Variants in B3GALT1 observed in about 807,000 individuals in gnomAD.
B3GALT1 encodes beta-1,3-galactosyltransferase 1.
Under a neutral mutation model 23.2 loss-of-function variants are expected in B3GALT1, and 10 were observed. The ratio of observed to expected loss-of-function variants is 0.43; its 90% CI spans 0.27 to 0.73. B3GALT1 has a LOEUF of 0.73. B3GALT1 is among the 30% of genes least tolerant of loss of function. The pLI, the probability that B3GALT1 is intolerant of heterozygous loss-of-function variation, is 0.21. For synonymous variants in B3GALT1, 156 were observed against 141.5 expected, an observed-to-expected ratio of 1.10 and a Z score of -0.73; for missense variants, 299 against 405.4, an observed-to-expected ratio of 0.74 and a Z score of 2.25.
intron 4 of B3GALT1, among the ~76,000 whole-genome samples, chr2:167,838,300 AGAG>A (rs1689538674): frequency 6.6e-6 from 1 of 152,252 alleles, no homozygotes; most frequent in African/African-American, 2.4e-5. Context: ...AAAGAAGAAA[AGAG>A]AGAAGAATCA....
chr2:167,583,171 A>G (rs1684518658), intron 2 of B3GALT1, among the ~76,000 whole-genome samples: 1 of 152,192 alleles, frequency 6.6e-6, no homozygotes, highest in Non-Finnish European at 1.5e-5. Flanking sequence ...AAGCCTCATG[A>G]GTCAGACATT....
At chr2:167,643,337 A>G (rs1265891786) in intron 2 of B3GALT1, among the ~76,000 whole-genome samples, 7 of 152,192 alleles carry the variant, frequency 4.6e-5, no homozygotes, top group Non-Finnish European at 1.0e-4. Context: ...TTAATAATAC[A>G]TTTTGGGATT....
intron 2 of B3GALT1, among the ~76,000 whole-genome samples, chr2:167,643,038 G>A (rs1558934642): frequency 1.3e-5 from 2 of 152,236 alleles, no homozygotes; most frequent in East Asian, 1.9e-4. Context: ...AAAGTTGCTT[G>A]GAGCTGCAGC....
intron 3 of B3GALT1, among the ~76,000 whole-genome samples, chr2:167,719,024 G>A (rs1426056249): frequency 6.6e-6 from 1 of 152,112 alleles, no homozygotes; most frequent in Non-Finnish European, 1.5e-5. Flanking sequence ...AAAGATGTTT[G>A]ATTCATGCAA....
chr2:167,778,521 T>A (rs923646529), intron 3 of B3GALT1, among the ~76,000 whole-genome samples: 3 of 152,220 alleles, frequency 2.0e-5, no homozygotes, highest in African/African-American at 7.2e-5. Flanking sequence ...TGTAGAGATA[T>A]ACCTACAATT....
chr2:167,552,845 C>T (rs1683773608), intron 2 of B3GALT1, among the ~76,000 whole-genome samples: 1 of 152,124 alleles, frequency 6.6e-6, no homozygotes, highest in African/African-American at 2.4e-5. Context: ...ACAAGATATT[C>T]TCTTTGTGTT....
At chr2:167,633,638 A>G (rs539211892) in intron 2 of B3GALT1, among the ~76,000 whole-genome samples, 9 of 152,238 alleles carry the variant, frequency 5.9e-5, no homozygotes, top group Admixed American at 3.3e-4. Flanking sequence ...AGAGCTAACT[A>G]TCCTAAATAT....
chr2:167,383,439 A>G (rs1697872549), intron 1 of B3GALT1, among the ~76,000 whole-genome samples: 2 of 152,128 alleles, frequency 1.3e-5, no homozygotes, highest in South Asian at 2.1e-4. Context: ...TGCTTGTCCA[A>G]CTTTCATCCT....
intron 1 of B3GALT1, among the ~76,000 whole-genome samples, chr2:167,338,038 G>T (rs562426251): frequency 2.0e-5 from 3 of 152,212 alleles, no homozygotes; most frequent in African/African-American, 7.2e-5. Context: ...GTGACTGAAA[G>T]AAACACTGAA....
rs1186974781 is a variant in B3GALT1, at chr2:167,805,468, A to G, written c.-351-13204A>G. The stretch of plus-strand genomic sequence containing the variant: ...GGGTTTTTATGGTTTTAGGTCTAAC[A>G]TTTAAGTCTTTAATCCATCTTGAAT... On this transcript the variant is annotated intron_variant, in intron 3 of 4. Coordinates refer to ENST00000392690, the MANE Select transcript of B3GALT1 (RefSeq NM_020981.4). Among the ~76,000 whole-genome samples, 3 of 152,310 alleles carry G rather than the reference A, an allele frequency of 2.0e-5. No homozygotes were observed. In the East Asian group the frequency reaches 5.8e-4, roughly 29 times the overall value.
chr2:167,332,751 A>G (rs1380683416), intron 1 of B3GALT1, among the ~76,000 whole-genome samples: 1 of 152,214 alleles, frequency 6.6e-6, no homozygotes, highest in Non-Finnish European at 1.5e-5. Flanking sequence ...TGCCACATAG[A>G]CAGCCCCACT....
intron 2 of B3GALT1, among the ~76,000 whole-genome samples, chr2:167,614,270 G>A (rs1483914046): frequency 1.3e-5 from 2 of 148,254 alleles, no homozygotes; most frequent in African/African-American, 2.5e-5. Context: ...ATAATCAATA[G>A]CAAAGAAAAT....
intron 2 of B3GALT1, among the ~76,000 whole-genome samples, chr2:167,559,574 G>A (rs1374564518): frequency 6.6e-6 from 1 of 152,170 alleles, no homozygotes; most frequent in Admixed American, 6.5e-5. Context: ...TTAGACGAAT[G>A]TATAGCTGGA....
intron 3 of B3GALT1, among the ~76,000 whole-genome samples, chr2:167,765,283 C>T (rs2105302507): frequency 6.6e-6 from 1 of 152,172 alleles, no homozygotes; most frequent in East Asian, 1.9e-4. Context: ...CAGTTGCTTC[C>T]ATACGTGTAT....
At chr2:167,503,657 A>G (rs1014974608) in intron 2 of B3GALT1, among the ~76,000 whole-genome samples, 1 of 152,068 alleles carries the variant, frequency 6.6e-6, no homozygotes, top group African/African-American at 2.4e-5. Context: ...TAAAATGCCC[A>G]CTCAATTTCT....
chr2:167,712,291 A>G (rs1317933592), intron 3 of B3GALT1, among the ~76,000 whole-genome samples: 2 of 152,198 alleles, frequency 1.3e-5, no homozygotes, highest in Non-Finnish European at 2.9e-5. Flanking sequence ...ATGCTGCAGC[A>G]TGACATAGCC....
intron 4 of B3GALT1, among the ~76,000 whole-genome samples, chr2:167,822,948 G>T (rs562586555): frequency 6.6e-6 from 1 of 152,180 alleles, no homozygotes; most frequent in Non-Finnish European, 1.5e-5. Flanking sequence ...TAGATAGACC[G>T]CATTTCCTAG....
chr2:167,507,032 G>T (rs1438778203), intron 2 of B3GALT1, among the ~76,000 whole-genome samples: 1 of 152,130 alleles, frequency 6.6e-6, no homozygotes, highest in Non-Finnish European at 1.5e-5. Flanking sequence ...TGAAGGGCAT[G>T]ATTATAGTGT....
chr2:167,561,300 A>G (rs546434016), intron 2 of B3GALT1, among the ~76,000 whole-genome samples: 27 of 152,364 alleles, frequency 1.8e-4, no homozygotes, highest in African/African-American at 6.5e-4. Context: ...GGACACAGTC[A>G]GAGCAGTGTG....
Sources: gnomAD v4.1 joint callset for allele counts (sites outside exome capture counted in the v4.1 genomes callset) on GRCh38, gnomAD v4.1.1 for gene constraint, MANE v1.5 for transcripts, NCBI Gene and HGNC (gene_info 2026-07-23, HGNC 2026-07-21) for gene names.